AP3B2: variants seen among roughly 807,000 people sequenced by gnomAD.
The protein encoded by AP3B2 is adaptor related protein complex 3 subunit beta 2.
In AP3B2, 50 loss-of-function variants were observed where a neutral mutation model predicts 126.9. The observed-to-expected ratio is 0.39, with a 90% CI of 0.31 to 0.50. AP3B2 has a LOEUF of 0.50. Among genes scored for constraint, AP3B2 ranks in the 20% least tolerant of loss-of-function variants. The pLI is 0.79. For missense variants in AP3B2, 1,177 were observed against 1,426.4 expected (o/e 0.83, Z 2.82); for synonymous variants, 541 against 565.0 (o/e 0.96, Z 0.60).
At chr15:82,707,465 C>T (rs2048814341) in intron 1 of AP3B2, among the ~76,000 whole-genome samples, 1 of 152,224 alleles carries the variant, frequency 6.6e-6, no homozygotes, top group African/African-American at 2.4e-5. Flanking sequence ...CTACTATCTT[C>T]TGACTAGTCA....
At chr15:82,661,945 G>A in intron 24 of AP3B2, 23 bp from the exon 25 acceptor site, 1 of 1,601,114 alleles carries the variant, frequency 6.2e-7, no homozygotes, top group South Asian at 1.1e-5. Context: ...GGAGGAAACG[G>A]AGAAGAATTA....
intron 1 of AP3B2, among the ~76,000 whole-genome samples, chr15:82,709,103 A>G (rs1180854894): frequency 6.6e-6 from 1 of 152,088 alleles, no homozygotes; most frequent in African/African-American, 2.4e-5. Context: ...TCAGATGGAG[A>G]TGGGGACCAG....
In AP3B2 at chr15:82,700,181, T is replaced by A. The variant is rs530273072; in HGVS notation, c.113+9413A>T. ...GACTGCAGCCTCCTGAGAAATCTCA[T>A]ATACCCTCTTCTCACTGACCCTAGG... On this transcript the variant is annotated intron_variant, in intron 1 of 26. Coordinates refer to ENST00000535359, the MANE Select transcript of AP3B2 (RefSeq NM_001278512.2). 4.6e-5 allele frequency among the ~76,000 whole-genome samples: 7 copies of A among 152,094 alleles called. No individual in the cohort carries two copies. The South Asian group carries it at 1.5e-3, about 32-fold the overall frequency.
intron 1 of AP3B2, among the ~76,000 whole-genome samples, chr15:82,703,809 C>A (rs765299139): frequency 3.9e-5 from 6 of 152,116 alleles, no homozygotes; most frequent in African/African-American, 1.4e-4. Flanking sequence ...CAACCCCAAG[C>A]GTCGCTGCGT....
At chr15:82,679,573 A>G (rs990334112) in intron 10 of AP3B2, among the ~76,000 whole-genome samples, 156 bp downstream of exon 10, 1 of 152,136 alleles carries the variant, frequency 6.6e-6, no homozygotes, top group Non-Finnish European at 1.5e-5. Context: ...TCCTTAGCCC[A>G]GCTCCCTGAA....
chr15:82,696,842 GA>G (rs1178308319), intron 1 of AP3B2, among the ~76,000 whole-genome samples: 1 of 152,084 alleles, frequency 6.6e-6, no homozygotes, highest in African/African-American at 2.4e-5. Flanking sequence ...ATAAACCCAT[GA>G]AAAAAATGTG....
chr15:82,705,525 C>A (rs1210718524), intron 1 of AP3B2, among the ~76,000 whole-genome samples: 1 of 152,150 alleles, frequency 6.6e-6, no homozygotes, highest in Non-Finnish European at 1.5e-5. Context: ...CTTTACTATT[C>A]ATTTGCACCC....
Position 82,679,904 on chromosome 15 carries a change from T to A in AP3B2, c.1111-104A>T, listed in dbSNP as rs1206058637. 3.7e-6 allele frequency: 4 copies of A among 1,067,618 alleles called. No homozygotes were observed. In the Admixed American group the frequency reaches 7.9e-5, roughly 21 times the overall value. The allele number at this position is 1,067,618 out of a possible 1,614,324, so 66.1% of individuals were successfully genotyped here. A position where few individuals can be genotyped will look rare whatever the true frequency, so the allele number is the denominator to read the frequency against. ...TGACCCAGCGCCCAGGATCCTTGCC[T>A]CCTCACCACTGCCCTCCACTCCTCA... On this transcript the variant is annotated intron_variant, in intron 9 of 26. Coordinates refer to ENST00000535359, the MANE Select transcript of AP3B2 (RefSeq NM_001278512.2).
At chr15:82,695,692 G>A (rs2048620347) in intron 1 of AP3B2, among the ~76,000 whole-genome samples, 1 of 152,040 alleles carries the variant, frequency 6.6e-6, no homozygotes, top group Non-Finnish European at 1.5e-5. Context: ...TATAACTAAA[G>A]TTTCCCTGAG....
chr15:82,693,122 G>C (rs1187934630), intron 1 of AP3B2, among the ~76,000 whole-genome samples: 2 of 152,056 alleles, frequency 1.3e-5, no homozygotes, highest in African/African-American at 4.8e-5. Flanking sequence ...GAAGGTCAAA[G>C]GTCATGGGGG....
chr15:82,689,759 C>T (rs149524484), intron 1 of AP3B2: 29 of 357,812 alleles, frequency 8.1e-5, no homozygotes, highest in Non-Finnish European at 1.2e-4. Flanking sequence ...AAATGCAATC[C>T]TACTCTAATA....
chr15:82,702,659 CT>C (rs1274293349), intron 1 of AP3B2, among the ~76,000 whole-genome samples: 2 of 152,152 alleles, frequency 1.3e-5, no homozygotes, highest in Non-Finnish European at 2.9e-5. Flanking sequence ...GGCCCCACCC[CT>C]ATCTCCTTTC....
intron 4 of AP3B2, 53 bp downstream of exon 4, chr15:82,688,683 C>T (rs757203855): frequency 1.0e-4 from 158 of 1,509,210 alleles, no homozygotes; most frequent in Non-Finnish European, 1.3e-4. Flanking sequence ...CCTACTCCTC[C>T]GATACAGCGC....
At chr15:82,663,006 GC>G in intron 22 of AP3B2, 84 bp from the exon 23 acceptor site, 1 of 1,518,174 alleles carries the variant, frequency 6.6e-7, no homozygotes, top group Non-Finnish European at 9.0e-7. Flanking sequence ...CCATCCAGCA[GC>G]TGGGACTCAA....
intron 4 of AP3B2, among the ~76,000 whole-genome samples, chr15:82,683,046 A>ATTTTTTT (rs1567267339): frequency 1.5e-4 from 11 of 71,958 alleles, no homozygotes; most frequent in Non-Finnish European, 2.5e-4. Context: ...CTGCACCAGG[A>ATTTTTTT]GTTTTTTTTT....
Position 82,709,664 on chromosome 15 carries a change from C to A in AP3B2, c.43G>T (p.Ala15Ser), listed in dbSNP as rs1268684609. The A allele has an allele frequency of 2.0e-6, 3 of 1,509,428 alleles. No individual in the cohort carries two copies. The highest frequency in any genetic ancestry group is 1.4e-5 in the African/African-American group (1 of 69,682). The allele number at this position is 1,509,428 out of a possible 1,614,324, so 93.5% of individuals were successfully genotyped here. ...PAYSEDKGGSAGPGEPEYGHD... is the reference protein window; with the variant it reads ...PAYSEDKGGSSGPGEPEYGHD... ...CCGTACTCGGGCTCCCCGGGGCCAG[C>A]GGAGCCGCCCTTGTCTTCGCTGTAG... Residue 15 changes from alanine to serine, a missense_variant, in exon 1 of 27, where the codon GCT becomes TCT. Coordinates refer to ENST00000535359, the MANE Select transcript of AP3B2 (RefSeq NM_001278512.2).
intron 14 of AP3B2, among the ~76,000 whole-genome samples, chr15:82,670,887 A>C (rs1053110063): frequency 3.3e-5 from 5 of 152,254 alleles, no homozygotes; most frequent in Non-Finnish European, 5.9e-5. Context: ...AAAATGGGCA[A>C]AAGAGCTGAA....
At chr15:82,695,136 G>A (rs556944177) in intron 1 of AP3B2, among the ~76,000 whole-genome samples, 10 of 136,876 alleles carry the variant, frequency 7.3e-5, no homozygotes, top group South Asian at 4.5e-4. Context: ...TTGCTCTGTC[G>A]CCCAGGCTGG....
chr15:82,693,666 A>G (rs879757191), intron 1 of AP3B2, among the ~76,000 whole-genome samples: 3 of 152,158 alleles, frequency 2.0e-5, no homozygotes, highest in Non-Finnish European at 2.9e-5. Flanking sequence ...AGGTCATAAA[A>G]TTATTAGCAG....
Sources: allele counts gnomAD v4.1 joint callset (sites outside exome capture counted in the v4.1 genomes callset), GRCh38; gene constraint gnomAD v4.1.1; transcripts MANE v1.5; gene names NCBI Gene and HGNC (gene_info 2026-07-23, HGNC 2026-07-21).